PCDHA10: variants seen among roughly 807,000 people sequenced by gnomAD.
PCDHA10 encodes protocadherin alpha-10.
A neutral mutation model predicts 61.2 loss-of-function variants in PCDHA10; 45 were observed. That is an observed-to-expected ratio of 0.74 (90% CI 0.58 to 0.94). PCDHA10 has a LOEUF of 0.94. Among genes scored for constraint, PCDHA10 ranks in the 40% least tolerant of loss-of-function variants. PCDHA10 has a pLI of 0.00. For synonymous variants in PCDHA10, 602 were observed against 548.8 expected, an observed-to-expected ratio of 1.10 and a Z score of -1.35; for missense variants, 1,278 against 1,236.2, an observed-to-expected ratio of 1.03 and a Z score of -0.51.
chr5:140,916,559 G>C (rs1170876334), intron 1 of PCDHA10, among the ~76,000 whole-genome samples: 2 of 152,224 alleles, frequency 1.3e-5, no homozygotes, highest in African/African-American at 4.8e-5. Flanking sequence ...TATTTGTCCA[G>C]GGTGTGTCTA....
intron 1 of PCDHA10, among the ~76,000 whole-genome samples, chr5:140,951,339 G>A (rs246043): frequency 0.56 from 85,609 of 151,878 alleles, 24,748 homozygotes; most frequent in African/African-American, 0.69. Context: ...TTCTGTTTGT[G>A]TTAGTCCATT....
intron 1 of PCDHA10, chr5:140,869,446 C>A (rs2051137912): frequency 1.2e-6 from 2 of 1,614,070 alleles, no homozygotes; most frequent in Admixed American, 1.7e-5. Context: ...CAGGCCGCTG[C>A]AGGTTTTCCA....
chr5:141,009,494 A>G (rs1554262180), intron 3 of PCDHA10, 133 bp from the exon 4 acceptor site: 16 of 1,488,800 alleles, frequency 1.1e-5, no homozygotes, highest in Non-Finnish European at 1.4e-5. Flanking sequence ...TTGCCCTCAG[A>G]CTTGAACAAA....
chr5:140,963,307 C>G (rs2095756240), intron 1 of PCDHA10, among the ~76,000 whole-genome samples: 1 of 152,062 alleles, frequency 6.6e-6, no homozygotes, highest in African/African-American at 2.4e-5. Context: ...AAATAAGAAG[C>G]TGTTTGTATT....
At chr5:140,870,890 T>A in intron 1 of PCDHA10, 2 of 1,613,954 alleles carry the variant, frequency 1.2e-6, no homozygotes, top group East Asian at 4.5e-5. Flanking sequence ...GTGCGCGCAG[T>A]GGATGCGGAC....
intron 3 of PCDHA10, among the ~76,000 whole-genome samples, chr5:140,991,401 T>C (rs1271447254): frequency 6.6e-6 from 1 of 152,218 alleles, no homozygotes; most frequent in Non-Finnish European, 1.5e-5. Context: ...TGTATTTATT[T>C]CCCATTATGC....
chr5:140,876,642 A>G (rs908095775), intron 1 of PCDHA10: 10 of 1,614,024 alleles, frequency 6.2e-6, no homozygotes, highest in African/African-American at 1.3e-5. Context: ...GCTCACTGAC[A>G]CCTCATGTTC....
At chr5:141,005,467 GC>G (rs1463928635) in intron 3 of PCDHA10, among the ~76,000 whole-genome samples, 1 of 151,982 alleles carries the variant, frequency 6.6e-6, no homozygotes, top group Non-Finnish European at 1.5e-5. Context: ...ACTTTGGGAG[GC>G]CGAGACGGGC....
At chr5:140,906,914 GC>G (rs2073038837) in intron 1 of PCDHA10, among the ~76,000 whole-genome samples, 1 of 152,182 alleles carries the variant, frequency 6.6e-6, no homozygotes, top group Admixed American at 6.5e-5. Context: ...GGTAGGAGGA[GC>G]CCAAAAAGTG....
chr5:140,862,608 A>G (rs565248341), intron 1 of PCDHA10: 1 of 519,626 alleles, frequency 1.9e-6, no homozygotes, highest in East Asian at 5.2e-5. Flanking sequence ...TGTTCGTGAA[A>G]GGTAACAACC....
Position 140,857,702 on chromosome 5 carries a change from G to C in PCDHA10, c.1654G>C (p.Val552Leu). The C allele has an allele frequency of 6.3e-7, 1 of 1,597,414 alleles. No homozygotes were observed. The highest frequency in any genetic ancestry group is 8.6e-7 in the Non-Finnish European group (1 of 1,167,772). ...PPLGSNLTLQ[V>L]FVLDENDNAP... ...TCTGGGCAGCAACTTGACGCTGCAG[G>C]TGTTCGTGCTGGACGAGAACGACAA... is the stretch of plus-strand genomic sequence containing the variant. Residue 552 changes from valine (V) to leucine (L), a missense_variant, in exon 1 of 4, where the codon GTG becomes CTG. Transcript: ENST00000307360.
At position 140,856,567 on chromosome 5, in the gene PCDHA10, A is replaced by C; in HGVS notation, c.519A>C (p.Pro173=). ...CATTGCTTACTTACAAACTCAGTCC[A>C]AATGAGTATTTTGTTCTTGATATTA... ...ENALLTYKLS[P]NEYFVLDIIN... The change falls in exon 1 of 4, where the codon CCA becomes CCC. Residue 173 remains proline (P), a synonymous_variant. Coordinates refer to ENST00000307360, the MANE Select transcript of PCDHA10 (RefSeq NM_018901.4). 1 of 1,597,710 alleles carries C rather than the reference A, an allele frequency of 6.3e-7. No homozygotes were observed. The highest frequency in any genetic ancestry group is 8.6e-7 in the Non-Finnish European group (1 of 1,167,160).
At chr5:140,876,483 G>C in intron 1 of PCDHA10, 1 of 1,614,004 alleles carries the variant, frequency 6.2e-7, no homozygotes, top group Non-Finnish European at 8.5e-7. Context: ...GCATGGTCCT[G>C]GTGGAAGTTC....
intron 1 of PCDHA10, among the ~76,000 whole-genome samples, chr5:140,908,047 C>T (rs976734426): frequency 4.6e-5 from 7 of 152,208 alleles, no homozygotes; most frequent in African/African-American, 1.7e-4. Context: ...AATTGCACAT[C>T]CGGCCATTTC....
intron 1 of PCDHA10, among the ~76,000 whole-genome samples, chr5:140,961,983 A>C (rs941028423): frequency 1.3e-5 from 2 of 151,532 alleles, no homozygotes; most frequent in Non-Finnish European, 2.9e-5. Context: ...TCCTGGGTTC[A>C]CGCCATTGTC....
At chr5:140,994,788 C>A (rs139745274) in intron 3 of PCDHA10, among the ~76,000 whole-genome samples, 6 of 152,076 alleles carry the variant, frequency 3.9e-5, no homozygotes, top group Admixed American at 3.9e-4. Flanking sequence ...GGAAACAATG[C>A]GTGCATGCAA....
intron 1 of PCDHA10, among the ~76,000 whole-genome samples, chr5:140,957,274 C>A (rs1251520860): frequency 6.6e-6 from 1 of 152,104 alleles, no homozygotes; most frequent in South Asian, 2.1e-4. Context: ...ACTAGTCCCC[C>A]CTTACCTGCA....
At chr5:140,864,895 G>T (rs1212830646) in intron 1 of PCDHA10, 1 of 152,160 alleles carries the variant, frequency 6.6e-6, no homozygotes, top group African/African-American at 2.4e-5. Context: ...AAGCTGCATG[G>T]TCTTCAGAAT....
chr5:140,875,571 C>T lies in PCDHA10; in HGVS notation c.2388+17135C>T, dbSNP rs782529259. The T allele has an allele frequency of 7.4e-6, 12 of 1,613,992 alleles. No individual in the cohort carries two copies. The Admixed American group carries it at 1.8e-4, about 25-fold the overall frequency. ...AGGTGGGGAGCGGCCAGCTCCACTACTCCGTCTACGAGGAGGCCAAACACG... is the reference window on the plus strand; with the variant it reads ...AGGTGGGGAGCGGCCAGCTCCACTATTCCGTCTACGAGGAGGCCAAACACG... On this transcript the variant is annotated intron_variant, in intron 1 of 3. Transcript: ENST00000307360.
Sources: gnomAD v4.1 joint callset for allele counts (sites outside exome capture counted in the v4.1 genomes callset) on GRCh38, gnomAD v4.1.1 for gene constraint, MANE v1.5 for transcripts, NCBI Gene and HGNC (gene_info 2026-07-23, HGNC 2026-07-21) for gene names.